DMD: variants seen among roughly 807,000 people sequenced by gnomAD.
DMD encodes the protein dystrophin.
A neutral mutation model predicts 330.1 loss-of-function variants in DMD; 63 were observed. The ratio of observed to expected loss-of-function variants is 0.19; its 90% CI spans 0.16 to 0.24. The LOEUF (loss-of-function observed/expected upper bound fraction) is 0.24, where lower values mean the gene tolerates loss of function less well. Ranked by LOEUF, DMD falls within the 10% of genes least tolerant of loss-of-function variation. The pLI, the probability that DMD is intolerant of heterozygous loss-of-function variation, is 1.00. For synonymous variants in DMD, 1,223 were observed against 959.8 expected (o/e 1.27, Z -5.07); for missense variants, 3,344 against 2,684.1 (o/e 1.25, Z -5.43).
At chrX:32,570,544 T>C (rs1219668727) in intron 15 of DMD, among the ~76,000 whole-genome samples, 1 of 112,159 alleles carries the variant, frequency 8.9e-6, no homozygotes, top group Admixed American at 9.5e-5. Flanking sequence ...ACATTATTGT[T>C]AGAAATGACA....
Position 32,217,165 on chromosome X carries a change from C to T in DMD, c.6291-102G>A, listed in dbSNP as rs72468608. ...TTTGGTTATACTGACAAAGATATCA[C>T]TCTGATAGTTTCCTGCATTTGCAGA... On this transcript the variant is annotated intron_variant, in intron 43 of 78. Coordinates refer to ENST00000357033, the MANE Select transcript of DMD (RefSeq NM_004006.3). The T allele has an allele frequency of 4.8e-3, 3,925 of 815,352 alleles. 9 individuals carry two copies. Among genetic ancestry groups the T allele is most frequent in the Non-Finnish European group, 5.4e-3 (3,008 of 559,683 alleles). The allele number at this position is 815,352 out of a possible 1,213,427, so 67.2% of individuals were successfully genotyped here. A position where few individuals can be genotyped will look rare whatever the true frequency, so the allele number is the denominator to read the frequency against.
At position 32,345,869 on chromosome X, in the gene DMD, A is replaced by G; in HGVS notation, c.5586+74T>C. On this transcript the variant is annotated intron_variant, in intron 39 of 78. Coordinates refer to ENST00000357033, the MANE Select transcript of DMD (RefSeq NM_004006.3). ...ACTAAGTCTGAAGCAGATTTTATTAATGCACATTATATTTTACCCTATATA... is the reference window on the plus strand; with the variant it reads ...ACTAAGTCTGAAGCAGATTTTATTAGTGCACATTATATTTTACCCTATATA... The G allele has an allele frequency of 5.5e-6, 6 of 1,098,141 alleles. No individual in the cohort carries two copies. In the South Asian group the frequency reaches 9.7e-5, roughly 18 times the overall value. The allele number at this position is 1,098,141 out of a possible 1,213,427, so 90.5% of individuals were successfully genotyped here. A position where few individuals can be genotyped will look rare whatever the true frequency, so the allele number is the denominator to read the frequency against.
At chrX:32,369,767 C>G (rs1257910762) in intron 34 of DMD, among the ~76,000 whole-genome samples, 1 of 111,011 alleles carries the variant, frequency 9.0e-6, no homozygotes, top group Admixed American at 9.6e-5. Flanking sequence ...TCTTTTTAAA[C>G]AAATTTTATT....
chrX:32,651,502 A>G (rs1212888686), intron 9 of DMD, among the ~76,000 whole-genome samples: 2 of 111,933 alleles, frequency 1.8e-5, no homozygotes, highest in Non-Finnish European at 3.8e-5. Context: ...CACAAATTCA[A>G]TCAATGGTTT....
chrX:31,146,813 G>A (rs2036757445), intron 75 of DMD, among the ~76,000 whole-genome samples: 1 of 111,928 alleles, frequency 8.9e-6, no homozygotes, highest in South Asian at 3.7e-4. Context: ...AAAATTCCCA[G>A]AAAGCCAGAA....
chrX:32,975,584 T>A (rs1401949814), intron 2 of DMD, among the ~76,000 whole-genome samples: 1 of 110,618 alleles, frequency 9.0e-6, no homozygotes, highest in Non-Finnish European at 1.9e-5. Context: ...TGGCACCCAG[T>A]CATGGCCTTT....
At chrX:32,350,473 G>T (rs912066852) in intron 37 of DMD, among the ~76,000 whole-genome samples, 1 of 111,111 alleles carries the variant, frequency 9.0e-6, no homozygotes, top group Non-Finnish European at 1.9e-5. Context: ...GGCGTAAAAC[G>T]TAAGTCATGC....
At chrX:32,274,839 G>A (rs1264926687) in intron 43 of DMD, among the ~76,000 whole-genome samples, 1 of 112,118 alleles carries the variant, frequency 8.9e-6, no homozygotes, top group African/African-American at 3.2e-5. Flanking sequence ...TTGGTTTGTT[G>A]TAAGGAGACG....
intron 60 of DMD, among the ~76,000 whole-genome samples, chrX:31,382,611 C>T (rs866502077): frequency 8.9e-6 from 1 of 111,772 alleles, no homozygotes; most frequent in Middle Eastern, 4.6e-3. Flanking sequence ...TCCTTTAATA[C>T]CTGTTTTTCT....
chrX:32,895,906 T>C (rs1185544222), intron 2 of DMD, among the ~76,000 whole-genome samples: 5 of 110,159 alleles, frequency 4.5e-5, no homozygotes, highest in Non-Finnish European at 9.5e-5. Flanking sequence ...ACATTGCTAG[T>C]CTTGTAATCT....
intron 1 of DMD, among the ~76,000 whole-genome samples, chrX:33,188,269 CATCT>C (rs1366080254): frequency 9.1e-6 from 1 of 109,948 alleles, no homozygotes; most frequent in Non-Finnish European, 1.9e-5. Flanking sequence ...TCTCTCTCAT[CATCT>C]ATCTAACATC....
At chrX:31,436,222 T>A (rs961199551) in intron 60 of DMD, among the ~76,000 whole-genome samples, 1 of 112,214 alleles carries the variant, frequency 8.9e-6, no homozygotes, top group African/African-American at 3.2e-5. Context: ...AGTTCCCGAT[T>A]AAAACAAATT....
At chrX:31,286,595 G>C (rs899729403) in intron 62 of DMD, among the ~76,000 whole-genome samples, 1 of 112,102 alleles carries the variant, frequency 8.9e-6, no homozygotes, top group African/African-American at 3.2e-5. Flanking sequence ...AGCAGCATTA[G>C]CATCACCTGT....
intron 55 of DMD, among the ~76,000 whole-genome samples, chrX:31,551,181 G>GAAAAAAAAAAAAA (rs10659535): frequency 1.1e-4 from 8 of 75,261 alleles, no homozygotes; most frequent in Non-Finnish European, 1.5e-4. Context: ...TCCATCTCGG[G>GAAAAAAAAAAAAA]AAAAAAAAAA....
At chrX:32,176,589 G>A (rs1433913947) in intron 44 of DMD, among the ~76,000 whole-genome samples, 2 of 111,354 alleles carry the variant, frequency 1.8e-5, no homozygotes, top group African/African-American at 6.5e-5. Flanking sequence ...AAGTGGGGAC[G>A]GTGGAGTCAA....
chrX:32,799,457 A>G (rs2076390662), intron 7 of DMD, among the ~76,000 whole-genome samples: 2 of 111,673 alleles, frequency 1.8e-5, no homozygotes, highest in African/African-American at 6.5e-5. Flanking sequence ...ATGGCTTTCT[A>G]CACTAATATT....
chrX:33,129,325 C>CTTTTTTTT (rs58505662), intron 1 of DMD, among the ~76,000 whole-genome samples: 715 of 30,710 alleles, frequency 0.023, 249 homozygotes, highest in Non-Finnish European at 0.029. Context: ...TTAAGGTTTG[C>CTTTTTTTT]TTTTTTTTTT....
In DMD at chrX:32,216,991, T is replaced by C. The variant is rs754658612; in HGVS notation, c.6363A>G (p.Thr2121=). The C allele has an allele frequency of 5.0e-6, 6 of 1,205,765 alleles. No individual in the cohort carries two copies. The highest frequency in any genetic ancestry group is 6.7e-6 in the Non-Finnish European group (6 of 890,310). Residue 2121 remains threonine, a synonymous_variant, in exon 44 of 79, where the codon ACA becomes ACG. Transcript: ENST00000357033. ...TCTTTCTGAGAAACTGTTCAGCTTC[T>C]GTTAGCCACTGATTAAATATCTTTA... ...YDIKIFNQWL[T]EAEQFLRKTQ... is the part of the protein sequence containing the mutation.
chrX:32,416,390 CTCATCATTGTAT>C (rs2098166103), intron 29 of DMD, among the ~76,000 whole-genome samples: 1 of 111,524 alleles, frequency 9.0e-6, no homozygotes, highest in Non-Finnish European at 1.9e-5. Flanking sequence ...TGTTTAAATA[CTCATCATTGTAT>C]TCATCATTGT....
Sources: allele counts gnomAD v4.1 joint callset (sites outside exome capture counted in the v4.1 genomes callset), GRCh38; gene constraint gnomAD v4.1.1; transcripts MANE v1.5; gene names NCBI Gene and HGNC (gene_info 2026-07-23, HGNC 2026-07-21).